Variants in C10orf90 observed in about 807,000 individuals in gnomAD.
The protein encoded by C10orf90 is chromosome 10 open reading frame 90.
A neutral mutation model predicts 62.5 loss-of-function variants in C10orf90; 56 were observed. That is an observed-to-expected ratio of 0.90 (90% CI 0.72 to 1.12). The LOEUF (loss-of-function observed/expected upper bound fraction) is 1.12. Ranked by LOEUF, C10orf90 falls within the 50% of genes most tolerant of loss-of-function variation. C10orf90 has a pLI of 0.00. For missense variants in C10orf90, 970 were observed against 880.4 expected (o/e 1.10, Z -1.29); for synonymous variants, 386 against 340.4 (o/e 1.13, Z -1.47).
intron 4 of C10orf90, among the ~76,000 whole-genome samples, chr10:126,470,623 G>T (rs1207107604): frequency 6.7e-6 from 1 of 149,790 alleles, no homozygotes; most frequent in Admixed American, 6.6e-5. Flanking sequence ...GGTGGTATGT[G>T]CCTGTGGTCC....
chr10:126,546,650 G>A (rs1185472572), intron 2 of C10orf90, among the ~76,000 whole-genome samples: 1 of 152,212 alleles, frequency 6.6e-6, no homozygotes, highest in African/African-American at 2.4e-5. Context: ...CAGCAGCAAT[G>A]AGGATTTCCC....
rs142788981 is a variant in C10orf90, at chr10:126,571,349, G to A, written c.314-57410C>T. 1.6e-3 allele frequency among the ~76,000 whole-genome samples: 250 copies of A among 152,304 alleles called. 2 individuals carry two copies. The highest frequency in any genetic ancestry group is 5.8e-3 in the African/African-American group (243 of 41,560). On this transcript the variant is annotated intron_variant, in intron 2 of 9. Transcript: ENST00000488181. ...ACCAGGGCAACGATTTGTCTCAGGAGGACTGGCCCTGAGCCCGGTGGCCCA... is the reference window on the plus strand; with the variant it reads ...ACCAGGGCAACGATTTGTCTCAGGAAGACTGGCCCTGAGCCCGGTGGCCCA...
intron 4 of C10orf90, among the ~76,000 whole-genome samples, chr10:126,483,870 T>C (rs1196153215): frequency 6.6e-6 from 1 of 152,146 alleles, no homozygotes; most frequent in East Asian, 1.9e-4. Flanking sequence ...GTTCTGTTTG[T>C]CATTCTCCAA....
At chr10:126,547,498 G>GAAAAAAAA (rs34204650) in intron 2 of C10orf90, among the ~76,000 whole-genome samples, 1 of 114,190 alleles carries the variant, frequency 8.8e-6, no homozygotes, top group African/African-American at 3.4e-5. Flanking sequence ...TTAACTGAGT[G>GAAAAAAAA]AAAAAAAAAA....
chr10:126,629,440 C>T (rs2133827291), intron 2 of C10orf90, among the ~76,000 whole-genome samples: 1 of 152,298 alleles, frequency 6.6e-6, no homozygotes, highest in East Asian at 1.9e-4. Flanking sequence ...TAAGCCTCCT[C>T]CCTGATGCAC....
intron 1 of C10orf90, among the ~76,000 whole-genome samples, chr10:126,666,034 G>C (rs927566392): frequency 4.6e-5 from 7 of 152,192 alleles, no homozygotes; most frequent in African/African-American, 1.7e-4. Flanking sequence ...ACATCAGGTA[G>C]AGTCCTCAGA....
intron 2 of C10orf90, chr10:126,523,639 A>G (rs985193744): frequency 5.3e-5 from 8 of 152,312 alleles, no homozygotes; most frequent in African/African-American, 1.9e-4. Context: ...GGTATTAAAT[A>G]CTTTCCTAAC....
chr10:126,549,744 C>CA (rs35430859), intron 2 of C10orf90, among the ~76,000 whole-genome samples: 105,441 of 143,652 alleles, frequency 0.73, 38,798 homozygotes, highest in Middle Eastern at 0.79. Flanking sequence ...TTCATAATAG[C>CA]AAAAAAAAAA....
At chr10:126,667,204 A>G (rs1457483908) in intron 1 of C10orf90, among the ~76,000 whole-genome samples, 1 of 151,146 alleles carries the variant, frequency 6.6e-6, no homozygotes, top group Non-Finnish European at 1.5e-5. Flanking sequence ...GACTACAGGC[A>G]CCTGCCACCA....
intron 2 of C10orf90, among the ~76,000 whole-genome samples, chr10:126,521,682 T>C (rs1347413466): frequency 1.3e-5 from 2 of 152,230 alleles, no homozygotes; most frequent in Admixed American, 6.5e-5. Context: ...CCAGATAACG[T>C]CACACTGGTG....
intron 6 of C10orf90, 141 bp downstream of exon 6, chr10:126,461,260 G>T: frequency 1.1e-6 from 1 of 905,908 alleles, no homozygotes; most frequent in Non-Finnish European, 1.6e-6. Flanking sequence ...AAGCTTAGGG[G>T]ACCTGCCCAG....
At chr10:126,469,553 G>T (rs1476137587) in intron 4 of C10orf90, among the ~76,000 whole-genome samples, 2 of 152,116 alleles carry the variant, frequency 1.3e-5, no homozygotes, top group African/African-American at 4.8e-5. Flanking sequence ...AGTAACCCAA[G>T]CTTGTGTCAT....
intron 2 of C10orf90, chr10:126,524,635 G>A (rs1463376090): frequency 1.2e-5 from 12 of 985,536 alleles, no homozygotes; most frequent in South Asian, 9.4e-5. Context: ...GGGTCCAGAC[G>A]GCAAGGACAC....
chr10:126,504,416 C>A lies in C10orf90; in HGVS notation c.1075G>T (p.Asp359Tyr). 6.2e-7 allele frequency: 1 copy of A among 1,613,936 alleles called. No individual in the cohort carries two copies. Among genetic ancestry groups the A allele is most frequent in the Non-Finnish European group, 8.5e-7 (1 of 1,179,980 alleles). Residue 359 changes from aspartate to tyrosine, a missense_variant, in exon 4 of 10, where the codon GAT becomes TAT. Physicochemically the swap from Asp to Tyr is radical, Grantham distance 160 (BLOSUM62 -3). Coordinates refer to ENST00000488181, the MANE Select transcript of C10orf90 (RefSeq NM_001350921.2). The surrounding 1 kb of genome is among the most constrained non-coding windows in gnomAD (Gnocchi z 4.1). ...GACTTGTCTACGTAATAGATTGAAT[C>A]TGGACACTGCTGAGACACCCTGAGG... The part of the protein sequence containing the change: ...VHLRVSQQCP[D>Y]SIYYVDKSLS...
intron 2 of C10orf90, among the ~76,000 whole-genome samples, chr10:126,521,121 G>A (rs1863719772): frequency 6.6e-6 from 1 of 152,190 alleles, no homozygotes; most frequent in South Asian, 2.1e-4. Context: ...GTTGTGTAAT[G>A]ATCTGTTCCT....
chr10:126,484,431 A>G (rs1295537397), intron 4 of C10orf90, among the ~76,000 whole-genome samples: 1 of 152,206 alleles, frequency 6.6e-6, no homozygotes, highest in Non-Finnish European at 1.5e-5. Context: ...AAACCCTAAC[A>G]CCAAGACCAT....
intron 2 of C10orf90, among the ~76,000 whole-genome samples, chr10:126,585,063 A>T (rs1425921974): frequency 6.6e-6 from 1 of 151,842 alleles, no homozygotes; most frequent in Non-Finnish European, 1.5e-5. Context: ...AGCAGTATGG[A>T]GGTTGGATGG....
intron 2 of C10orf90, among the ~76,000 whole-genome samples, chr10:126,524,127 C>T (rs1863861340): frequency 6.6e-6 from 1 of 152,080 alleles, no homozygotes; most frequent in South Asian, 2.1e-4. Context: ...ATAATATTTT[C>T]TTAGCACAAA....
At chr10:126,530,666 T>A (rs776187581) in intron 2 of C10orf90, among the ~76,000 whole-genome samples, 1 of 152,020 alleles carries the variant, frequency 6.6e-6, no homozygotes, top group Middle Eastern at 3.4e-3. Context: ...TAAGATAGAA[T>A]GAGAAGGAAG....
Sources: gnomAD v4.1 joint callset for allele counts (sites outside exome capture counted in the v4.1 genomes callset) on GRCh38, gnomAD v4.1.1 for gene constraint, Gnocchi (gnomAD v3.1) non-coding constraint, MANE v1.5 for transcripts, NCBI Gene and HGNC (gene_info 2026-07-23, HGNC 2026-07-21) for gene names.